ARHGAP5: variants seen among roughly 807,000 people sequenced by gnomAD.
ARHGAP5 encodes rho GTPase-activating protein 5.
ARHGAP5 carries 23 observed loss-of-function variants against 116.6 expected under a neutral mutation model. That is an observed-to-expected ratio of 0.20 (90% CI 0.14 to 0.28). ARHGAP5 has a LOEUF of 0.28. ARHGAP5 is among the 10% of genes least tolerant of loss of function. The pLI is 1.00. For synonymous variants in ARHGAP5, 574 were observed against 602.0 expected (o/e 0.95, Z 0.68); for missense variants, 1,405 against 1,774.8 (o/e 0.79, Z 3.74).
chr14:32,090,528 T>C lies in ARHGAP5; in HGVS notation c.-142T>C. On this transcript the variant is annotated 5_prime_UTR_variant, in exon 2 of 7. An upstream start codon of the reference 5' UTR is lost. Transcript: ENST00000345122. ...AAGATGATCCCTATGATCTTGAAGA[T>C]GTTTCTGCACAGAAATGAGGGAAAT... 1.4e-6 allele frequency: 1 copy of C among 697,502 alleles called. No homozygotes were observed. The highest frequency in any genetic ancestry group is 2.3e-6 in the Non-Finnish European group (1 of 427,392). The allele number at this position is 697,502 out of a possible 1,614,324, so 43.2% of individuals were successfully genotyped here. A position where few individuals can be genotyped will look rare whatever the true frequency, so the allele number is the denominator to read the frequency against.
In ARHGAP5 at chr14:32,115,131, T is replaced by C. The variant is rs35718058; in HGVS notation, c.3718-2009T>C. 0.011 allele frequency among the ~76,000 whole-genome samples: 1,672 copies of C among 152,270 alleles called. 96 individuals are homozygous for C. In the East Asian group the frequency reaches 0.17, roughly 15 times the overall value. On this transcript the variant is annotated intron_variant, in intron 2 of 6. Transcript: ENST00000345122. ...GAAACTCTCAATGGGATGTGCACAG[T>C]AGAGTCATCTGTAGGAATCGTTGCT... is the stretch of plus-strand genomic sequence containing the variant.
intron 1 of ARHGAP5, among the ~76,000 whole-genome samples, chr14:32,077,953 C>T (rs567428091): frequency 3.2e-4 from 48 of 152,272 alleles, no homozygotes; most frequent in Non-Finnish European, 6.6e-4. Flanking sequence ...CACTTTCCCT[C>T]ATCTCCTCGA....
intron 3 of ARHGAP5, among the ~76,000 whole-genome samples, chr14:32,140,115 C>CTTTTTTTTTTTT (rs376976211): frequency 1.6e-4 from 4 of 25,430 alleles, no homozygotes; most frequent in African/African-American, 1.6e-4. Context: ...TTTTTTTTTC[C>CTTTTTTTTTTTT]TTTTTTTTTT....
At chr14:32,117,775 T>C (rs1171339071) in intron 3 of ARHGAP5, among the ~76,000 whole-genome samples, 2 of 152,220 alleles carry the variant, frequency 1.3e-5, no homozygotes, top group Admixed American at 1.3e-4. Flanking sequence ...ATGGTTTATA[T>C]GATTTGAGTT....
At chr14:32,132,516 T>G (rs1020856333) in intron 3 of ARHGAP5, among the ~76,000 whole-genome samples, 19 of 152,338 alleles carry the variant, frequency 1.2e-4, no homozygotes, top group East Asian at 7.7e-4. Flanking sequence ...TTGTGAAAAT[T>G]TTCTCCCATT....
intron 3 of ARHGAP5, 124 bp from the exon 4 acceptor site, chr14:32,146,139 T>C (rs1445671283): frequency 1.6e-6 from 1 of 630,102 alleles, no homozygotes; most frequent in Non-Finnish European, 2.7e-6. Flanking sequence ...CTCAAACTCC[T>C]GGGCCAAGCA....
Position 32,147,127 on chromosome 14 carries a change from C to A in ARHGAP5, c.3943+787C>A, listed in dbSNP as rs570094836. Reference sequence around the variant, plus strand: ...ATTTTCTACTCATATTCAGTAAATTCTATATGCGATTAAAGATTTAAACGT... The same window carrying A: ...ATTTTCTACTCATATTCAGTAAATTATATATGCGATTAAAGATTTAAACGT... On this transcript the variant is annotated intron_variant, in intron 4 of 6. Transcript: ENST00000345122. Among the ~76,000 whole-genome samples the A allele has an allele frequency of 3.3e-5, 5 of 152,208 alleles. No individual in the cohort carries two copies. The South Asian group carries it at 1.0e-3, about 32-fold the overall frequency.
intron 5 of ARHGAP5, among the ~76,000 whole-genome samples, chr14:32,150,567 G>A (rs1308381895): frequency 1.3e-5 from 2 of 152,284 alleles, no homozygotes; most frequent in Middle Eastern, 3.4e-3. Flanking sequence ...CACTCAGAGA[G>A]TAAGAGACAA....
chr14:32,123,586 C>G (rs1029972919), intron 3 of ARHGAP5, among the ~76,000 whole-genome samples: 5 of 150,724 alleles, frequency 3.3e-5, no homozygotes, highest in Non-Finnish European at 2.9e-5. Context: ...TTTTCTGCTT[C>G]TTGTTTTGAT....
At chr14:32,094,502 C>T in intron 2 of ARHGAP5, 116 bp downstream of exon 2, 1 of 731,998 alleles carries the variant, frequency 1.4e-6, no homozygotes, top group Admixed American at 3.0e-5. Context: ...TAATTAGTAG[C>T]CCTTTTTAAT....
At chr14:32,143,232 T>TACTCAATTAAAAGGCAACATTATTTTA (rs1326562282) in intron 3 of ARHGAP5, among the ~76,000 whole-genome samples, 4 of 148,474 alleles carry the variant, frequency 2.7e-5, no homozygotes, top group African/African-American at 1.0e-4. Context: ...TTGTTGTTGT[T>TACTCAATTAAAAGGCAACATTATTTTA]GTTGTTGTTA....
intron 3 of ARHGAP5, among the ~76,000 whole-genome samples, chr14:32,139,512 C>G (rs1880983958): frequency 6.6e-6 from 1 of 151,892 alleles, no homozygotes; most frequent in Admixed American, 6.5e-5. Context: ...TCATAGTATT[C>G]TCTTGTAACC....
intron 2 of ARHGAP5, among the ~76,000 whole-genome samples, chr14:32,112,610 C>T (rs973577512): frequency 2.6e-5 from 4 of 152,166 alleles, no homozygotes; most frequent in Admixed American, 6.5e-5. Context: ...CGGTGGCTCA[C>T]GCCTATAATC....
chr14:32,110,319 T>C (rs551180556), intron 2 of ARHGAP5, among the ~76,000 whole-genome samples: 1 of 151,576 alleles, frequency 6.6e-6, no homozygotes, highest in South Asian at 2.1e-4. Flanking sequence ...AGCAGTAGGA[T>C]TGCTTTTGCT....
intron 2 of ARHGAP5, among the ~76,000 whole-genome samples, chr14:32,095,323 C>T (rs573594002): frequency 4.6e-5 from 7 of 150,584 alleles, no homozygotes; most frequent in African/African-American, 1.7e-4. Flanking sequence ...ATAGAATCTG[C>T]TTTATTTTCT....
intron 2 of ARHGAP5, among the ~76,000 whole-genome samples, chr14:32,103,082 G>T (rs1363036693): frequency 6.6e-6 from 1 of 152,068 alleles, no homozygotes; most frequent in African/African-American, 2.4e-5. Flanking sequence ...CTTTCTTCCT[G>T]GGTAACTGGC....
At chr14:32,106,627 C>A (rs1413051529) in intron 2 of ARHGAP5, among the ~76,000 whole-genome samples, 3 of 152,128 alleles carry the variant, frequency 2.0e-5, no homozygotes, top group African/African-American at 7.2e-5. Context: ...GTATTTGTAA[C>A]CTCTGTATAA....
intron 2 of ARHGAP5, among the ~76,000 whole-genome samples, chr14:32,097,578 AC>A (rs1878588798): frequency 6.6e-6 from 1 of 152,162 alleles, no homozygotes. Flanking sequence ...GGCAAATAAA[AC>A]ATCACTTCTA....
intron 2 of ARHGAP5, among the ~76,000 whole-genome samples, chr14:32,103,253 C>T (rs943355612): frequency 3.3e-5 from 5 of 152,204 alleles, no homozygotes; most frequent in Admixed American, 1.3e-4. Flanking sequence ...TTACTATTTG[C>T]CATTTCTTTG....
Sources: gnomAD v4.1 joint callset for allele counts (sites outside exome capture counted in the v4.1 genomes callset) on GRCh38, gnomAD v4.1.1 for gene constraint, MANE v1.5 for transcripts, NCBI Gene and HGNC (gene_info 2026-07-23, HGNC 2026-07-21) for gene names.